The following STPG2 variants were observed in gnomAD, a reference collection of about 807,000 sequenced individuals.
The protein encoded by STPG2 is sperm-tail PG-rich repeat-containing protein 2.
STPG2 carries 56 observed loss-of-function variants against 54.2 expected under a neutral mutation model. The observed-to-expected ratio is 1.03, with a 90% CI of 0.83 to 1.29. The LOEUF is 1.29. Ranked by LOEUF, STPG2 falls within the 50% of genes most tolerant of loss-of-function variation. The pLI, the probability that STPG2 is intolerant of heterozygous loss-of-function variation, is 0.00. For missense variants in STPG2, 596 were observed against 544.9 expected (o/e 1.09, Z -0.93); for synonymous variants, 200 against 181.8 (o/e 1.10, Z -0.81).
rs183570521 is a variant in STPG2, at chr4:98,071,622, T to C, written c.612+34331A>G. ...CAAAGGAAACTATCATCAGAGTGAA[T>C]AGACAACCTAAAGAATGGGAGAAAA... On this transcript the variant is annotated intron_variant, in intron 5 of 10. Coordinates refer to ENST00000295268, the MANE Select transcript of STPG2 (RefSeq NM_174952.3). Among the ~76,000 whole-genome samples, 286 of 152,108 alleles carry C rather than the reference T, an allele frequency of 1.9e-3. 1 individual carries two copies. The highest frequency in any genetic ancestry group is 6.6e-3 in the African/African-American group (273 of 41,532).
chr4:97,911,053 G>A (rs1731659817), intron 8 of STPG2, among the ~76,000 whole-genome samples: 1 of 152,208 alleles, frequency 6.6e-6, no homozygotes, highest in African/African-American at 2.4e-5. Context: ...AGCCGCATGG[G>A]CAAGGGGAGC....
chr4:97,586,552 A>T (rs542464901), intron 10 of STPG2, among the ~76,000 whole-genome samples: 2 of 152,098 alleles, frequency 1.3e-5, no homozygotes, highest in South Asian at 4.1e-4. Flanking sequence ...AATGAAAGAC[A>T]AAATAAAAAT....
chr4:98,025,986 C>A, intron 5 of STPG2: 1 of 1,151,922 alleles, frequency 8.7e-7, no homozygotes, highest in Non-Finnish European at 1.3e-6. Flanking sequence ...ACATTGTGGG[C>A]CAGAATGTTG....
chr4:97,922,802 G>A (rs1343967226), intron 8 of STPG2, among the ~76,000 whole-genome samples: 1 of 152,018 alleles, frequency 6.6e-6, no homozygotes, highest in Non-Finnish European at 1.5e-5. Flanking sequence ...TCCCATAATT[G>A]CAATTTTCCA....
In STPG2 at chr4:97,893,382, T is replaced by C. The variant is rs190729867; in HGVS notation, c.1044+50515A>G. 3.3e-3 allele frequency among the ~76,000 whole-genome samples: 506 copies of C among 152,206 alleles called. 3 individuals are homozygous for C. Among genetic ancestry groups the C allele is most frequent in the Non-Finnish European group, 5.4e-3 (368 of 67,978 alleles). ...ATTTGGTAATCAAATATAGATTTCA[T>C]TAAATATAGAAATACAAAATACAGT... On this transcript the variant is annotated intron_variant, in intron 8 of 10. Transcript: ENST00000295268.
At chr4:97,960,378 G>A (rs182110342) in intron 7 of STPG2, among the ~76,000 whole-genome samples, 297 of 152,178 alleles carry the variant, frequency 2.0e-3, no homozygotes, top group African/African-American at 6.7e-3. Context: ...GAAATAAAGG[G>A]CATGCAAATT....
chr4:97,898,517 G>T (rs529799271), intron 8 of STPG2, among the ~76,000 whole-genome samples: 2 of 151,566 alleles, frequency 1.3e-5, no homozygotes, highest in South Asian at 2.1e-4. Flanking sequence ...AATGTCAAAG[G>T]TATGTTATTT....
At position 97,493,062 on chromosome 4, in the gene STPG2, C is replaced by T. The variant is rs1730534793; in HGVS notation, c.462+219637G>A. Among the ~76,000 whole-genome samples, 3 of 150,704 alleles carry T rather than the reference C, an allele frequency of 2.0e-5. No individual in the cohort carries two copies. The Admixed American group carries it at 2.0e-4, about 10-fold the overall frequency. ...GCCTGAAAACATCCGTTTTTCAGTT[C>T]TCAGTAGTACTGACTCATCCTATAA... On this transcript the variant is annotated intron_variant, in intron 4 of 4. Transcript: ENST00000522676.
At chr4:97,955,320 T>C (rs1404203683) in intron 7 of STPG2, among the ~76,000 whole-genome samples, 2 of 151,726 alleles carry the variant, frequency 1.3e-5, no homozygotes, top group African/African-American at 4.8e-5. Context: ...GTTCACGCCA[T>C]TCTCCTGCCT....
chr4:98,128,464 G>A lies in STPG2; in HGVS notation c.351C>T (p.Asp117=). Residue 117 remains aspartate, a synonymous_variant, in exon 3 of 11, where the codon GAC becomes GAT. Transcript: ENST00000295268. The stretch of plus-strand genomic sequence containing the variant: ...TGTAGTATGCTGGACCAAGTGTACT[G>A]TCACAAGCAGGTGGAAAACATTTTA... ...SIIKCFPPAC[D]STLGPAYYKP... The A allele has an allele frequency of 6.2e-7, 1 of 1,613,162 alleles. No individual in the cohort carries two copies.
At chr4:98,082,433 C>CTTTTTTTTTTTTTTTTTTTTT (rs70955915) in intron 5 of STPG2, among the ~76,000 whole-genome samples, 1 of 71,402 alleles carries the variant, frequency 1.4e-5, no homozygotes, top group Non-Finnish European at 2.7e-5. Flanking sequence ...TGCAGGTCCA[C>CTTTTTTTTTTTTTTTTTTTTT]TTTTTTTTTT....
chr4:97,643,914 A>G (rs922661632), intron 10 of STPG2, among the ~76,000 whole-genome samples: 1 of 151,852 alleles, frequency 6.6e-6, no homozygotes, highest in Non-Finnish European at 1.5e-5. Flanking sequence ...ACTGGGAATC[A>G]CCAGGAAATA....
intron 1 of STPG2, among the ~76,000 whole-genome samples, chr4:98,139,139 G>T (rs1315053231): frequency 6.6e-6 from 1 of 152,150 alleles, no homozygotes; most frequent in Non-Finnish European, 1.5e-5. Context: ...CATGAAAGCA[G>T]AAAGAAAAGC....
intron 8 of STPG2, among the ~76,000 whole-genome samples, chr4:97,924,390 T>C (rs1354994217): frequency 6.6e-6 from 1 of 152,192 alleles, no homozygotes; most frequent in Non-Finnish European, 1.5e-5. Flanking sequence ...CAATAGGACT[T>C]TTGTCTGCCC....
intron 4 of STPG2, among the ~76,000 whole-genome samples, chr4:97,527,725 T>G (rs1731314590): frequency 6.6e-6 from 1 of 152,350 alleles, no homozygotes; most frequent in Non-Finnish European, 1.5e-5. Context: ...ATTGTTGTTT[T>G]GATATGCATT....
chr4:97,910,284 T>A (rs1299450362), intron 8 of STPG2, among the ~76,000 whole-genome samples: 1 of 152,158 alleles, frequency 6.6e-6, no homozygotes, highest in Non-Finnish European at 1.5e-5. Context: ...CCTTGCCTCT[T>A]CCCAGCTAGA....
intron 4 of STPG2, among the ~76,000 whole-genome samples, chr4:97,548,149 TCAAAACAAAA>T (rs77639854): frequency 1.0e-4 from 15 of 150,590 alleles, no homozygotes; most frequent in Non-Finnish European, 2.1e-4. Flanking sequence ...AAACTCTGTC[TCAAAACAAAA>T]CAAAACAAAA....
intron 5 of STPG2, among the ~76,000 whole-genome samples, chr4:97,993,935 C>T (rs1005395842): frequency 1.3e-5 from 2 of 151,968 alleles, no homozygotes; most frequent in African/African-American, 4.8e-5. Context: ...TTTAATAGTT[C>T]CTGTTTCATT....
At chr4:98,054,506 T>C (rs1737424298) in intron 5 of STPG2, among the ~76,000 whole-genome samples, 1 of 152,184 alleles carries the variant, frequency 6.6e-6, no homozygotes, top group Non-Finnish European at 1.5e-5. Context: ...TCAAGATACT[T>C]AGAGCTCAAA....
Sources: gnomAD v4.1 joint callset for allele counts (sites outside exome capture counted in the v4.1 genomes callset) on GRCh38, gnomAD v4.1.1 for gene constraint, MANE v1.5 for transcripts, NCBI Gene and HGNC (gene_info 2026-07-23, HGNC 2026-07-21) for gene names.